The following SARS1 variants were observed in gnomAD, a reference collection of about 807,000 sequenced individuals.
SARS1 encodes seryl-tRNA synthetase 1.
Under a neutral mutation model 63.7 loss-of-function variants are expected in SARS1, and 25 were observed. The observed-to-expected ratio is 0.39, with a 90% confidence interval of 0.29 to 0.55. The LOEUF (loss-of-function observed/expected upper bound fraction) is 0.55. Ranked by LOEUF, SARS1 falls within the 20% of genes least tolerant of loss-of-function variation. SARS1 has a pLI of 0.62. For synonymous variants in SARS1, 231 were observed against 243.5 expected (o/e 0.95, Z 0.48); for missense variants, 417 against 649.7 (o/e 0.64, Z 3.89).
rs370876229 is a variant in SARS1 at position 109,235,937 on chromosome 1, C to A, written c.970-40C>A. The stretch of plus-strand genomic sequence containing the variant: ...CTCCCACTTCAGTCCTTTATTCACC[C>A]TATACCGCTGTCACCGTTTCCTTGG... On this transcript the variant is annotated intron_variant, in intron 7 of 10. Transcript: ENST00000234677. The surrounding 1 kb of genome is among the most constrained non-coding windows in gnomAD (Gnocchi z 4.7). 26 of 1,567,184 alleles carry A rather than the reference C, an allele frequency of 1.7e-5. No homozygotes were observed. The highest frequency in any genetic ancestry group is 2.2e-5 in the Non-Finnish European group (26 of 1,156,876).
rs1234440990 is a variant in SARS1, at chr1:109,237,983, C to T, written c.*95C>T. 10 of 1,400,256 alleles carry T rather than the reference C, an allele frequency of 7.1e-6. No individual in the cohort carries two copies. The highest frequency in any genetic ancestry group is 9.8e-6 in the Non-Finnish European group (10 of 1,017,212). 86.7% of individuals were successfully genotyped at this position (1,400,256 alleles called of 1,614,324 possible). A position where few individuals can be genotyped will look rare whatever the true frequency, so the allele number is the denominator to read the frequency against. ...AGGGAAGCCAAGCACCCATTCATCC[C>T]CCTGCCCCCATCTGACTGCGTAGCT... On this transcript the variant is annotated 3_prime_UTR_variant, in exon 11 of 11. Coordinates refer to ENST00000234677, the MANE Select transcript of SARS1 (RefSeq NM_006513.4). The surrounding 1 kb of genome is among the most constrained non-coding windows in gnomAD (Gnocchi z 4.1).
At chr1:109,230,351 T>G (rs1294199413) in intron 4 of SARS1, among the ~76,000 whole-genome samples, 3 of 152,008 alleles carry the variant, frequency 2.0e-5, no homozygotes, top group Non-Finnish European at 4.4e-5. Context: ...GTTTCATGGC[T>G]AGAATTACTT....
chr1:109,228,844 A>G (rs1655145335), intron 3 of SARS1, among the ~76,000 whole-genome samples: 1 of 152,214 alleles, frequency 6.6e-6, no homozygotes. Context: ...TATAGCAAGA[A>G]CATAAACCAA....
intron 1 of SARS1, among the ~76,000 whole-genome samples, chr1:109,218,484 G>A (rs1234477713): frequency 6.8e-6 from 1 of 148,138 alleles, no homozygotes; most frequent in Non-Finnish European, 1.5e-5. Context: ...CTGTTCAGGT[G>A]CTCATTTCAA....
intron 3 of SARS1, 66 bp downstream of exon 3, chr1:109,228,498 C>A: frequency 2.7e-6 from 3 of 1,092,156 alleles, no homozygotes; most frequent in Non-Finnish European, 4.2e-6. Context: ...TCCTAGACAG[C>A]AAGTGCTCTC....
intron 1 of SARS1, among the ~76,000 whole-genome samples, chr1:109,221,329 T>C (rs770640240): frequency 1.3e-5 from 2 of 151,970 alleles, no homozygotes; most frequent in East Asian, 3.9e-4. Flanking sequence ...AAAGTGCTGG[T>C]ATTACAGGTG....
chr1:109,226,699 C>CATATATATATATATATATAT (rs1553177767), intron 2 of SARS1, among the ~76,000 whole-genome samples: 22 of 67,978 alleles, frequency 3.2e-4, no homozygotes, highest in Non-Finnish European at 5.4e-4. Flanking sequence ...TATATATATA[C>CATATATATATATATATATAT]ACACACACAC....
chr1:109,228,081 A>G (rs1218468117), intron 2 of SARS1, among the ~76,000 whole-genome samples: 1 of 152,150 alleles, frequency 6.6e-6, no homozygotes, highest in African/African-American at 2.4e-5. Flanking sequence ...TTCTTCTCAT[A>G]TTCTTCAGGA....
Position 109,214,412 on chromosome 1 carries a change from C to A in SARS1, c.136+284C>A. On this transcript the variant is annotated intron_variant, in intron 1 of 10. Transcript: ENST00000234677. This position sits in a 1 kb window ranked among gnomAD's most constrained non-coding sequence, Gnocchi z 4.6. The stretch of plus-strand genomic sequence containing the variant: ...CATCGGGAGCTGTCAAGCCTTCCTG[C>A]CCCAGGGGTTGCCAGAACATGCCGG... The A allele has an allele frequency of 4.3e-6, 3 of 704,344 alleles. No homozygotes were observed. The highest frequency in any genetic ancestry group is 5.9e-6 in the Non-Finnish European group (3 of 509,672). The allele number at this position is 704,344 out of a possible 1,614,324, so 43.6% of individuals were successfully genotyped here. A position where few individuals can be genotyped will look rare whatever the true frequency, so the allele number is the denominator to read the frequency against.
At position 109,237,850 on chromosome 1, in the gene SARS1, G is replaced by T; in HGVS notation, c.1507G>T (p.Glu503Ter). 3 of 1,614,212 alleles carry T rather than the reference G, an allele frequency of 1.9e-6. No individual in the cohort carries two copies. The highest frequency in any genetic ancestry group is 2.5e-6 in the Non-Finnish European group (3 of 1,180,026). ...KKAAARDVTLENRLQNMEVTD... is the reference protein window; with the variant it reads ...KKAAARDVTL ...AGCAGCAGCAAGAGACGTCACCCTA[G>T]AAAACAGGCTGCAGAACATGGAGGT... Residue 503 changes from glutamate (E) to a stop codon, truncating the protein, a stop_gained, in exon 11 of 11, where the codon GAA (glutamate) becomes TAA (stop). Transcript: ENST00000234677. LOFTEE classifies it high-confidence loss of function. This position sits in a 1 kb window ranked among gnomAD's most constrained non-coding sequence, Gnocchi z 4.1.
chr1:109,219,287 A>ATATATATATATAT (rs1198355961), intron 1 of SARS1, among the ~76,000 whole-genome samples: 3 of 128,080 alleles, frequency 2.3e-5, no homozygotes, highest in Non-Finnish European at 5.0e-5. Flanking sequence ...ATATATATAT[A>ATATATATATATAT]TAGTGTACAT....
At chr1:109,233,862 ATTTT>A (rs1164453054) in intron 6 of SARS1, among the ~76,000 whole-genome samples, 1 of 65,968 alleles carries the variant, frequency 1.5e-5, no homozygotes, top group Non-Finnish European at 2.7e-5. Flanking sequence ...CACCTGGCTA[ATTTT>A]TTTTTTTTTT....
In SARS1 at chr1:109,237,498, C is replaced by A; in HGVS notation, c.1387+125C>A. On this transcript the variant is annotated intron_variant, in intron 10 of 10. Transcript: ENST00000234677. This position sits in a 1 kb window ranked among gnomAD's most constrained non-coding sequence, Gnocchi z 4.1. ...ACACAGCCCCTGAAACTCTGTCTGC[C>A]CTCTCGGGCTGGGCAGGGCAGGGGG... The A allele has an allele frequency of 1.4e-6, 2 of 1,439,630 alleles. No homozygotes were observed. The highest frequency in any genetic ancestry group is 1.9e-6 in the Non-Finnish European group (2 of 1,047,082). The allele number at this position is 1,439,630 out of a possible 1,614,324, so 89.2% of individuals were successfully genotyped here.
chr1:109,234,183 C>T (rs1035219848), intron 6 of SARS1, among the ~76,000 whole-genome samples: 1 of 151,162 alleles, frequency 6.6e-6, no homozygotes, highest in Non-Finnish European at 1.5e-5. Flanking sequence ...CTGGCCACAC[C>T]TGGCTAATTT....
At chr1:109,216,653 G>A (rs1214945947) in intron 1 of SARS1, 1 of 911,812 alleles carries the variant, frequency 1.1e-6, no homozygotes, top group Admixed American at 6.6e-5. Flanking sequence ...TTTTTAATTT[G>A]AGACAAGGTC....
intron 1 of SARS1, among the ~76,000 whole-genome samples, chr1:109,217,424 G>T (rs927079106): frequency 6.6e-6 from 1 of 151,674 alleles, no homozygotes; most frequent in Non-Finnish European, 1.5e-5. Context: ...ATAAGTTGGC[G>T]ATAGTCTGTA....
At position 109,228,459 on chromosome 1, in the gene SARS1, G is replaced by A. The variant is rs1570759673; in HGVS notation, c.288+27G>A. The A allele has an allele frequency of 2.7e-5, 40 of 1,482,620 alleles. No individual in the cohort carries two copies. The East Asian group carries it at 8.8e-4, about 33-fold the overall frequency. The allele number at this position is 1,482,620 out of a possible 1,614,324, so 91.8% of individuals were successfully genotyped here. ...TAAGTTATAGTTCTTTTCTAAGTTA[G>A]GATCTCTGCTATTTTGTCTTAATTT... On this transcript the variant is annotated intron_variant, in intron 3 of 10. Coordinates refer to ENST00000234677, the MANE Select transcript of SARS1 (RefSeq NM_006513.4).
rs1655341341 is a variant in SARS1 at position 109,237,627 on chromosome 1, C to T, written c.1388-104C>T. ...GAAACCAGTGCCTATCAAAGGGACC[C>T]CTCTGTTCAAAGGGATCATTGTCTT... On this transcript the variant is annotated intron_variant, in intron 10 of 10. Transcript: ENST00000234677. The surrounding 1 kb of genome is among the most constrained non-coding windows in gnomAD (Gnocchi z 4.1). The T allele has an allele frequency of 2.3e-6, 3 of 1,322,326 alleles. No homozygotes were observed. The highest frequency in any genetic ancestry group is 3.2e-6 in the Non-Finnish European group (3 of 949,604). The allele number at this position is 1,322,326 out of a possible 1,614,324, so 81.9% of individuals were successfully genotyped here.
In SARS1 at chr1:109,214,276, A is replaced by G; in HGVS notation, c.136+148A>G. The stretch of plus-strand genomic sequence containing the variant: ...GGCTCCGAGGTTCTCCCCATCCCCG[A>G]AAACACAGCCTGGTCGCCGGGGTCA... On this transcript the variant is annotated intron_variant, in intron 1 of 10. Transcript: ENST00000234677. This position sits in a 1 kb window ranked among gnomAD's most constrained non-coding sequence, Gnocchi z 4.6. 9.7e-7 allele frequency: 1 copy of G among 1,025,672 alleles called. No homozygotes were observed. Among genetic ancestry groups the G allele is most frequent in the South Asian group, 1.7e-5 (1 of 58,034 alleles). The allele number at this position is 1,025,672 out of a possible 1,614,324, so 63.5% of individuals were successfully genotyped here.
Sources: gnomAD v4.1 joint callset for allele counts (sites outside exome capture counted in the v4.1 genomes callset) on GRCh38, gnomAD v4.1.1 for gene constraint, Gnocchi (gnomAD v3.1) non-coding constraint, MANE v1.5 for transcripts, NCBI Gene and HGNC (gene_info 2026-07-23, HGNC 2026-07-21) for gene names.